Variants in AGBL1 observed in about 807,000 individuals in gnomAD.
AGBL1 encodes AGBL carboxypeptidase 1, also known as cytosolic carboxypeptidase 4.
Under a neutral mutation model 118.9 loss-of-function variants are expected in AGBL1, and 130 were observed. The ratio of observed to expected loss-of-function variants is 1.09; its 90% CI spans 0.95 to 1.26. AGBL1 has a LOEUF of 1.26. AGBL1 is among the 50% of genes most tolerant of loss of function. The pLI is 0.00. For missense variants in AGBL1, 1,584 were observed against 1,298.1 expected, an observed-to-expected ratio of 1.22 and a Z score of -3.38; for synonymous variants, 555 against 478.9, an observed-to-expected ratio of 1.16 and a Z score of -2.08.
intron 21 of AGBL1, among the ~76,000 whole-genome samples, chr15:86,622,020 A>G (rs1159002653): frequency 6.6e-6 from 1 of 152,180 alleles, no homozygotes; most frequent in Non-Finnish European, 1.5e-5. Context: ...CAAGACAAAG[A>G]TGAAAACTTT....
intron 5 of AGBL1, among the ~76,000 whole-genome samples, chr15:86,196,039 A>G (rs1344342688): frequency 6.6e-6 from 1 of 152,222 alleles, no homozygotes; most frequent in Non-Finnish European, 1.5e-5. Context: ...TTTAAAAACC[A>G]TAGGATATCT....
chr15:86,269,886 A>G (rs2079130723), intron 13 of AGBL1, 33 bp from the exon 14 acceptor site: 1 of 1,606,426 alleles, frequency 6.2e-7, no homozygotes, highest in Non-Finnish European at 8.5e-7. Flanking sequence ...AAGACTTTCC[A>G]GATAACCCTC....
rs2079459994 is a variant in AGBL1 at position 86,855,136 on chromosome 15, A to G, written c.3159-51951A>G. On this transcript the variant is annotated intron_variant, in intron 22 of 22. Coordinates refer to ENST00000614907, the MANE Select transcript of AGBL1 (RefSeq NM_001386094.1). ...CATCATTTTTACCAGTTTTCCCAAT[A>G]AAGGGTCAAGGTCTAAGTCTTAAAT... 3.3e-5 allele frequency among the ~76,000 whole-genome samples: 5 copies of G among 152,170 alleles called. 1 individual carries two copies. Among genetic ancestry groups the G allele is most frequent in the Admixed American group, 3.3e-4 (5 of 15,272 alleles).
chr15:86,969,481 A>C (rs766869760), intron 23 of AGBL1, among the ~76,000 whole-genome samples: 2 of 151,764 alleles, frequency 1.3e-5, no homozygotes, highest in African/African-American at 2.4e-5. Context: ...GTGAGGATAC[A>C]TGCATATGTA....
intron 22 of AGBL1, among the ~76,000 whole-genome samples, chr15:86,802,246 C>G (rs2078660409): frequency 6.6e-6 from 1 of 151,470 alleles, no homozygotes; most frequent in Admixed American, 6.6e-5. Context: ...TTCCCATTTT[C>G]AAATGAGCCA....
chr15:86,358,183 C>G (rs1286340072), intron 17 of AGBL1, among the ~76,000 whole-genome samples: 2 of 152,008 alleles, frequency 1.3e-5, no homozygotes, highest in Non-Finnish European at 2.9e-5. Flanking sequence ...AATATCTCCC[C>G]ATTTCCCCCA....
intron 18 of AGBL1, among the ~76,000 whole-genome samples, chr15:86,428,968 A>G (rs2081900178): frequency 6.6e-6 from 1 of 152,270 alleles, no homozygotes; most frequent in African/African-American, 2.4e-5. Context: ...CTTTGGGACC[A>G]GTGCTACTAA....
intron 18 of AGBL1, among the ~76,000 whole-genome samples, chr15:86,503,838 A>G (rs2082944625): frequency 6.6e-6 from 1 of 151,566 alleles, no homozygotes; most frequent in Non-Finnish European, 1.5e-5. Context: ...AACTTGTTTT[A>G]TGGCCAACCA....
intron 24 of AGBL1, among the ~76,000 whole-genome samples, chr15:87,010,631 C>G (rs2081549621): frequency 6.6e-6 from 1 of 152,216 alleles, no homozygotes; most frequent in Non-Finnish European, 1.5e-5. Context: ...TGCTCCCCAT[C>G]CTGGATTCTC....
intron 21 of AGBL1, among the ~76,000 whole-genome samples, chr15:86,644,183 T>C (rs2085239298): frequency 6.6e-6 from 1 of 152,214 alleles, no homozygotes; most frequent in Non-Finnish European, 1.5e-5. Context: ...AAGTAGGGAA[T>C]TAAAGCAATT....
At chr15:86,726,240 C>A (rs1353931756) in intron 22 of AGBL1, among the ~76,000 whole-genome samples, 2 of 152,158 alleles carry the variant, frequency 1.3e-5, no homozygotes, top group Non-Finnish European at 2.9e-5. Flanking sequence ...GTGACTAAAT[C>A]TTTTGTTTTC....
intron 18 of AGBL1, among the ~76,000 whole-genome samples, chr15:86,490,175 T>C (rs1009519268): frequency 6.6e-6 from 1 of 152,072 alleles, no homozygotes; most frequent in African/African-American, 2.4e-5. Context: ...ATCTTTACAC[T>C]TGAGAAGTTA....
intron 18 of AGBL1, among the ~76,000 whole-genome samples, chr15:86,453,010 C>A (rs142971164): frequency 2.0e-5 from 3 of 152,208 alleles, no homozygotes; most frequent in Admixed American, 2.0e-4. Context: ...CCTTACCCTT[C>A]TTAATCATTT....
At chr15:86,850,123 C>T (rs1456683887) in intron 22 of AGBL1, among the ~76,000 whole-genome samples, 1 of 152,168 alleles carries the variant, frequency 6.6e-6, no homozygotes, top group African/African-American at 2.4e-5. Flanking sequence ...TAAGAGAACT[C>T]TGTTCAGCTG....
At chr15:86,313,891 A>C (rs1422261217) in intron 17 of AGBL1, among the ~76,000 whole-genome samples, 2 of 152,186 alleles carry the variant, frequency 1.3e-5, no homozygotes. Context: ...ATTGTTCATT[A>C]AGTGGGAGCA....
At chr15:86,127,586 C>A (rs1460792415) in intron 1 of AGBL1, among the ~76,000 whole-genome samples, 23 of 152,232 alleles carry the variant, frequency 1.5e-4, no homozygotes, top group Admixed American at 6.5e-5. Context: ...TCTTGGGAAA[C>A]CCTAAGTGGA....
In AGBL1 at chr15:86,615,602, C is replaced by T. The variant is rs978616855; in HGVS notation, c.2995-58671C>T. Among the ~76,000 whole-genome samples the T allele has an allele frequency of 6.6e-5, 10 of 152,318 alleles. No individual in the cohort carries two copies. Among genetic ancestry groups the T allele is most frequent in the African/African-American group, 2.2e-4 (9 of 41,574 alleles). On this transcript the variant is annotated intron_variant, in intron 21 of 22. Transcript: ENST00000614907. The surrounding 1 kb of genome is among the most constrained non-coding windows in gnomAD (Gnocchi z 4.3). ...GAGAAGGCAATAAACCTTCCATGGA[C>T]TTTGAGGCAATCTAATCTGAGTGTA...
chr15:86,412,995 C>T (rs1425372067), intron 18 of AGBL1, among the ~76,000 whole-genome samples: 1 of 152,110 alleles, frequency 6.6e-6, no homozygotes, highest in East Asian at 1.9e-4. Context: ...CCATTCAGAA[C>T]ACAGATAGTA....
At chr15:86,138,353 G>A (rs2076917299) in intron 1 of AGBL1, 1 of 152,220 alleles carries the variant, frequency 6.6e-6, no homozygotes, top group Non-Finnish European at 1.5e-5. Context: ...GGTTTCTCAA[G>A]AGTTATCATT....
Sources: gnomAD v4.1 joint callset for allele counts (sites outside exome capture counted in the v4.1 genomes callset) on GRCh38, gnomAD v4.1.1 for gene constraint, Gnocchi (gnomAD v3.1) non-coding constraint, MANE v1.5 for transcripts, NCBI Gene and HGNC (gene_info 2026-07-23, HGNC 2026-07-21) for gene names.